PLCE1: variants seen among roughly 807,000 people sequenced by gnomAD.
PLCE1 encodes the protein phospholipase C epsilon 1, also known as 1-phosphatidylinositol 4,5-bisphosphate phosphodiesterase epsilon-1.
A neutral mutation model predicts 242.8 loss-of-function variants in PLCE1; 119 were observed. The observed-to-expected ratio is 0.49, with a 90% CI of 0.42 to 0.57. The LOEUF (loss-of-function observed/expected upper bound fraction) is 0.57. Ranked by LOEUF, PLCE1 falls within the 20% of genes least tolerant of loss-of-function variation. The pLI is 0.00. For synonymous variants in PLCE1, 945 were observed against 1,017.4 expected (o/e 0.93, Z 1.35); for missense variants, 2,441 against 2,788.8 (o/e 0.88, Z 2.81).
intron 2 of PLCE1, chr10:94,099,845 A>G (rs1006448410): frequency 7.2e-5 from 11 of 152,120 alleles, no homozygotes; most frequent in Non-Finnish European, 1.5e-5. Flanking sequence ...ACATTCTAGG[A>G]TGGGGGAGCA....
At chr10:94,262,229 G>C (rs1351455336) in intron 13 of PLCE1, among the ~76,000 whole-genome samples, 1 of 152,054 alleles carries the variant, frequency 6.6e-6, no homozygotes, top group Non-Finnish European at 1.5e-5. Context: ...TTGAGCTCCA[G>C]ACCTCAGGTG....
intron 3 of PLCE1, among the ~76,000 whole-genome samples, chr10:94,158,444 C>T (rs2136186740): frequency 6.6e-6 from 1 of 152,218 alleles, no homozygotes; most frequent in African/African-American, 2.4e-5. Flanking sequence ...TGATCAGTGA[C>T]AGATACTGAT....
chr10:94,242,330 GTC>G (rs2050534653), intron 7 of PLCE1, among the ~76,000 whole-genome samples: 1 of 151,796 alleles, frequency 6.6e-6, no homozygotes, highest in Admixed American at 6.6e-5. Context: ...TTGAGACAGA[GTC>G]TTGTTCTGTT....
At chr10:94,254,059 G>C (rs1271786141) in intron 9 of PLCE1, 131 bp from the exon 10 acceptor site, 2 of 771,630 alleles carry the variant, frequency 2.6e-6, no homozygotes, top group Non-Finnish European at 4.8e-6. Flanking sequence ...CTTAATGTAG[G>C]TCTTTACCGG....
chr10:94,031,882 G>C lies in PLCE1; in HGVS notation c.836G>C (p.Gly279Ala). ...SCEKVDMVYS[G>A]DSFCRKDFTD... is the part of the protein sequence containing the mutation. The stretch of plus-strand genomic sequence containing the variant: ...GAGAAGGTTGACATGGTATATTCAG[G>C]TGATAGCTTTTGTAGGAAAGACTTT... Residue 279 changes from glycine to alanine, a missense_variant, in exon 2 of 33, where the codon GGT becomes GCT. Physicochemically the swap from Gly to Ala is moderately conservative, Grantham distance 60 (BLOSUM62 0). Transcript: ENST00000371380. 6.2e-7 allele frequency: 1 copy of C among 1,613,884 alleles called. No individual in the cohort carries two copies. The highest frequency in any genetic ancestry group is 1.3e-5 in the African/African-American group (1 of 75,016).
intron 2 of PLCE1, among the ~76,000 whole-genome samples, chr10:94,119,152 G>A (rs1462116195): frequency 6.6e-6 from 1 of 152,166 alleles, no homozygotes; most frequent in Non-Finnish European, 1.5e-5. Context: ...AGGCTGGTAG[G>A]TAATGTGTAC....
At chr10:94,322,195 T>TA (rs2053835652) in intron 30 of PLCE1, 136 bp downstream of exon 30, 2 of 838,454 alleles carry the variant, frequency 2.4e-6, no homozygotes, top group Admixed American at 2.0e-5. Flanking sequence ...GTGTGCCTCT[T>TA]AAGGCTGGGA....
chr10:94,000,129 C>A (rs551095628), intron 1 of PLCE1, among the ~76,000 whole-genome samples: 109 of 152,252 alleles, frequency 7.2e-4, no homozygotes, highest in African/African-American at 2.6e-3. Flanking sequence ...TCTTATTTGT[C>A]TTATATACTG....
At chr10:94,225,678 A>G (rs1008732367) in intron 4 of PLCE1, among the ~76,000 whole-genome samples, 1 of 152,216 alleles carries the variant, frequency 6.6e-6, no homozygotes, top group Non-Finnish European at 1.5e-5. Flanking sequence ...ACCAGATGAA[A>G]GAGCACTGGG....
intron 2 of PLCE1, chr10:94,088,922 G>T (rs552329957): frequency 1.8e-6 from 1 of 544,382 alleles, no homozygotes; most frequent in Non-Finnish European, 3.0e-6. Context: ...ATGTAGAAAA[G>T]TTATGTTTCA....
chr10:94,306,526 A>G lies in PLCE1; in HGVS notation c.5722A>G (p.Thr1908Ala). 6.2e-7 allele frequency: 1 copy of G among 1,614,178 alleles called. No homozygotes were observed. Among genetic ancestry groups the G allele is most frequent in the Non-Finnish European group, 8.5e-7 (1 of 1,180,018 alleles). The change falls in exon 26 of 33, where the codon ACA becomes GCA. Residue 1908 changes from threonine to alanine, a missense_variant. Physicochemically the swap from Thr to Ala is moderately conservative, Grantham distance 58. Coordinates refer to ENST00000371380, the MANE Select transcript of PLCE1 (RefSeq NM_016341.4). This position sits in a 1 kb window ranked among gnomAD's most constrained non-coding sequence, Gnocchi z 5.7. ...GMPLDSCHFR[T>A]KPIHRNTLNP... ...GCCTCTGGACAGCTGCCATTTCCGC[A>G]CAAAGCCCATCCATCGAAACACCCT... is the stretch of plus-strand genomic sequence containing the variant.
intron 26 of PLCE1, among the ~76,000 whole-genome samples, chr10:94,307,734 A>T (rs2053249390): frequency 6.6e-6 from 1 of 152,068 alleles, no homozygotes; most frequent in Admixed American, 6.6e-5. Context: ...ATTAAGGCCC[A>T]CCCTAAGGAC....
chr10:94,055,011 C>CAAAAAAAA (rs71306823), intron 2 of PLCE1, among the ~76,000 whole-genome samples: 2 of 91,200 alleles, frequency 2.2e-5, no homozygotes, highest in Non-Finnish European at 4.8e-5. Context: ...GACTCCATCT[C>CAAAAAAAA]AAAAAAAAAA....
At chr10:94,297,844 T>C (rs1589499031) in intron 23 of PLCE1, among the ~76,000 whole-genome samples, 1 of 152,184 alleles carries the variant, frequency 6.6e-6, no homozygotes, top group South Asian at 2.1e-4. Context: ...TTTGGGTTGC[T>C]TCTTGGTTTG....
At chr10:94,020,341 A>G (rs1383228047) in intron 1 of PLCE1, among the ~76,000 whole-genome samples, 2 of 152,226 alleles carry the variant, frequency 1.3e-5, no homozygotes, top group Non-Finnish European at 2.9e-5. Context: ...ATTTTTAAAA[A>G]TAGGGTAATT....
chr10:94,054,387 C>T (rs2043845184), intron 2 of PLCE1, among the ~76,000 whole-genome samples: 1 of 152,196 alleles, frequency 6.6e-6, no homozygotes. Context: ...ACACCATGTT[C>T]TAGGCCTAGC....
intron 3 of PLCE1, among the ~76,000 whole-genome samples, chr10:94,147,679 G>A (rs910552476): frequency 1.3e-5 from 2 of 152,110 alleles, no homozygotes; most frequent in Non-Finnish European, 2.9e-5. Flanking sequence ...ATGGAGATGG[G>A]CATAGAGATG....
At chr10:93,999,612 G>C (rs2060894061) in intron 1 of PLCE1, among the ~76,000 whole-genome samples, 2 of 152,176 alleles carry the variant, frequency 1.3e-5, no homozygotes, top group Non-Finnish European at 2.9e-5. Context: ...TTTCACTGTT[G>C]CCATCTCCTA....
At chr10:94,248,683 A>G (rs1356110028) in intron 8 of PLCE1, among the ~76,000 whole-genome samples, 1 of 149,542 alleles carries the variant, frequency 6.7e-6, no homozygotes, top group Non-Finnish European at 1.5e-5. Flanking sequence ...AAAAAAAAAA[A>G]GTCTTCAGGA....
Sources: gnomAD v4.1 joint callset for allele counts (sites outside exome capture counted in the v4.1 genomes callset) on GRCh38, gnomAD v4.1.1 for gene constraint, Gnocchi (gnomAD v3.1) non-coding constraint, MANE v1.5 for transcripts, NCBI Gene and HGNC (gene_info 2026-07-23, HGNC 2026-07-21) for gene names.